The following DOCK8 variants were observed in gnomAD, a reference collection of about 807,000 sequenced individuals.
DOCK8 encodes the protein dedicator of cytokinesis 8, also known as dedicator of cytokinesis protein 8.
DOCK8 carries 141 observed loss-of-function variants against 245.6 expected under a neutral mutation model. The observed-to-expected ratio is 0.57, with a 90% CI of 0.50 to 0.66. The LOEUF is 0.66. Ranked by LOEUF, DOCK8 falls within the 30% of genes least tolerant of loss-of-function variation. The pLI is 0.00. For synonymous variants in DOCK8, 1,168 were observed against 970.2 expected, an observed-to-expected ratio of 1.20 and a Z score of -3.79; for missense variants, 2,965 against 2,603.4, an observed-to-expected ratio of 1.14 and a Z score of -3.02.
At chr9:380,877 C>T (rs141490995) in intron 21 of DOCK8, 21 of 158,970 alleles carry the variant, frequency 1.3e-4, no homozygotes, top group Middle Eastern at 6.3e-3. Flanking sequence ...ATGGCAGGAT[C>T]GCTTGGAGCC....
At chr9:235,565 C>T (rs968991663) in intron 1 of DOCK8, among the ~76,000 whole-genome samples, 6 of 152,224 alleles carry the variant, frequency 3.9e-5, no homozygotes, top group South Asian at 2.1e-4. Context: ...GCTTCCCGGC[C>T]GCTTTGTTTA....
At chr9:463,773 T>A in intron 47 of DOCK8, 86 bp downstream of exon 47, 5 of 1,515,084 alleles carry the variant, frequency 3.3e-6, no homozygotes, top group Non-Finnish European at 4.6e-6. Context: ...TCTGCTGCAC[T>A]TGGGGAGCTG....
intron 1 of DOCK8, among the ~76,000 whole-genome samples, chr9:245,470 A>T (rs62531303): frequency 0.053 from 8,127 of 152,186 alleles, 240 homozygotes; most frequent in South Asian, 0.069. Context: ...AGCCTCCCAA[A>T]GTGCTGGGAT....
rs766325297 is a variant in DOCK8, at chr9:463,735, G to A, written c.6239+48G>A. The A allele has an allele frequency of 2.0e-5, 32 of 1,607,904 alleles. 1 individual carries two copies. The highest frequency in any genetic ancestry group is 3.3e-5 in the South Asian group (3 of 90,572). Reference sequence around the variant, plus strand: ...CTCTTCCTGTGGGATAAAGAGCAGCGCATGGGGCCTAGCACCTTGGGGCAT... The same window carrying A: ...CTCTTCCTGTGGGATAAAGAGCAGCACATGGGGCCTAGCACCTTGGGGCAT... On this transcript the variant is annotated intron_variant, in intron 47 of 47. Transcript: ENST00000432829.
rs756707690 is a variant in DOCK8 at position 382,626 on chromosome 9, G to A, written c.2719G>A (p.Asp907Asn). The A allele has an allele frequency of 2.4e-5, 38 of 1,614,036 alleles. No individual in the cohort carries two copies. The Admixed American group carries it at 3.2e-4, about 13-fold the overall frequency. ...CCGGGTGATGAGCAGCAGTAACCCA[G>A]ACCTCGCGGGGACACACTCCGCAGC... is the stretch of plus-strand genomic sequence containing the variant. ...QARVMSSSNPDLAGTHSAADE... is the reference protein window; with the variant it reads ...QARVMSSSNPNLAGTHSAADE... The change falls in exon 22 of 48, where the codon GAC (aspartate) becomes AAC (asparagine). Residue 907 changes from aspartate to asparagine, a missense_variant. Asp to Asn is a conservative substitution (Grantham distance 23). Coordinates refer to ENST00000432829, the MANE Select transcript of DOCK8 (RefSeq NM_203447.4).
intron 14 of DOCK8, among the ~76,000 whole-genome samples, chr9:343,027 A>T (rs115155237): frequency 6.6e-6 from 1 of 152,218 alleles, no homozygotes; most frequent in African/African-American, 2.4e-5. Context: ...TCCTAACAGC[A>T]GTGTGAGAGA....
intron 5 of DOCK8, among the ~76,000 whole-genome samples, chr9:309,838 A>C (rs549636432): frequency 6.6e-6 from 1 of 152,330 alleles, no homozygotes; most frequent in Non-Finnish European, 1.5e-5. Flanking sequence ...CAGTTTCAAA[A>C]ACCAAGTTCT....
rs559164278 is a variant in DOCK8, at chr9:404,733, G to A, written c.3235-185G>A. ...TAGGCTAGAATCACTAAGGGGAACA[G>A]TAATGAATGAAAATTTATTAGACCT... On this transcript the variant is annotated intron_variant, in intron 26 of 47. Transcript: ENST00000432829. Among the ~76,000 whole-genome samples, 13 of 152,308 alleles carry A rather than the reference G, an allele frequency of 8.5e-5. No individual in the cohort carries two copies. In the South Asian group the frequency reaches 1.9e-3, roughly 22 times the overall value.
At chr9:304,525 G>A (rs1448557813) in intron 4 of DOCK8, 56 bp from the exon 5 acceptor site, 2 of 1,610,120 alleles carry the variant, frequency 1.2e-6, no homozygotes, top group Admixed American at 3.3e-5. Context: ...TTAATCTAAT[G>A]GTTTGCCGCT....
chr9:249,405 G>A (rs1457658473), intron 1 of DOCK8, among the ~76,000 whole-genome samples: 2 of 152,166 alleles, frequency 1.3e-5, no homozygotes, highest in African/African-American at 4.8e-5. Context: ...ACTGTCAGCA[G>A]CAATCTCACA....
chr9:403,998 A>C (rs7469153), intron 26 of DOCK8, among the ~76,000 whole-genome samples: 23 of 124,382 alleles, frequency 1.8e-4, no homozygotes, highest in African/African-American at 6.1e-4. Context: ...ATATGTGTAT[A>C]TATATATATA....
At chr9:326,309 C>A (rs1460605600) in intron 8 of DOCK8, among the ~76,000 whole-genome samples, 2 of 152,194 alleles carry the variant, frequency 1.3e-5, no homozygotes, top group Non-Finnish European at 2.9e-5. Context: ...CATAATCATT[C>A]TGTATTTAAG....
chr9:341,285 C>G (rs1314045895), intron 14 of DOCK8, among the ~76,000 whole-genome samples: 12 of 152,218 alleles, frequency 7.9e-5, no homozygotes, highest in Admixed American at 7.9e-4. Context: ...GCCTTGGTTT[C>G]TGAATCGCTT....
In DOCK8 at chr9:399,276, C is replaced by CA; in HGVS notation, c.3234+17_3234+18insA. On this transcript the variant is annotated intron_variant, in intron 26 of 47. Coordinates refer to ENST00000432829, the MANE Select transcript of DOCK8 (RefSeq NM_203447.4). ...TGCAGCCAGGTGAGTGTCCCCCCCA[C>CA]CCCCACCCCCGAGCGAGCCACTTGG... 1.4e-6 allele frequency: 2 copies of CA among 1,436,658 alleles called. No individual in the cohort carries two copies. Among genetic ancestry groups the CA allele is most frequent in the Non-Finnish European group, 1.9e-6 (2 of 1,076,390 alleles). 89.0% of individuals were successfully genotyped at this position (1,436,658 alleles called of 1,614,324 possible).
At chr9:447,441 A>G (rs1303592852) in intron 44 of DOCK8, among the ~76,000 whole-genome samples, 31 of 152,192 alleles carry the variant, frequency 2.0e-4, no homozygotes, top group Admixed American at 2.0e-3. Context: ...TTGTGTAAGC[A>G]GAGTGAGAGC....
intron 12 of DOCK8, among the ~76,000 whole-genome samples, 200 bp from the exon 13 acceptor site, chr9:338,806 C>G (rs1022976963): frequency 2.0e-5 from 3 of 151,972 alleles, no homozygotes; most frequent in African/African-American, 7.3e-5. Context: ...GATAAGAGGC[C>G]GAGGCACAGT....
intron 14 of DOCK8, among the ~76,000 whole-genome samples, chr9:359,429 A>G (rs931036001): frequency 4.6e-5 from 7 of 152,220 alleles, no homozygotes; most frequent in Admixed American, 1.3e-4. Flanking sequence ...TGCTTGTAAC[A>G]GTGCCTGCAT....
Position 400,022 on chromosome 9 carries a change from C to T in DOCK8, c.3234+763C>T, listed in dbSNP as rs796120284. ...TCCACCACCTCCACCATCACCACCA[C>T]CTCCACCATCACCACCACCACCTCC... On this transcript the variant is annotated intron_variant, in intron 26 of 47. Transcript: ENST00000432829. Among the ~76,000 whole-genome samples the T allele has an allele frequency of 1.3e-3, 158 of 117,136 alleles. 4 individuals are homozygous for T. The highest frequency in any genetic ancestry group is 2.7e-3 in the Admixed American group (32 of 11,696). The allele number at this position is 117,136 out of a possible 152,430, so 76.8% of individuals were successfully genotyped here.
Position 277,314 on chromosome 9 carries a change from A to G in DOCK8, c.156+5585A>G, listed in dbSNP as rs117160047. 5.0e-3 allele frequency among the ~76,000 whole-genome samples: 760 copies of G among 152,020 alleles called. 7 individuals carry two copies. The highest frequency in any genetic ancestry group is 9.8e-3 in the Admixed American group (149 of 15,268). ...GTGGCACATGCCTTTAGTCCCAGCT[A>G]CTTGCGAGGCTGAGGCAGAAGGATC... On this transcript the variant is annotated intron_variant, in intron 2 of 47. Transcript: ENST00000432829.
Sources: gnomAD v4.1 joint callset for allele counts (sites outside exome capture counted in the v4.1 genomes callset) on GRCh38, gnomAD v4.1.1 for gene constraint, MANE v1.5 for transcripts, NCBI Gene and HGNC (gene_info 2026-07-23, HGNC 2026-07-21) for gene names.